WWOX: variants seen among roughly 807,000 people sequenced by gnomAD.
WWOX encodes the protein WW domain-containing oxidoreductase.
A neutral mutation model predicts 46.2 loss-of-function variants in WWOX; 69 were observed. The observed-to-expected ratio is 1.49, with a 90% CI of 1.23 to 1.82. The LOEUF (loss-of-function observed/expected upper bound fraction) is 1.82, where lower values mean the gene tolerates loss of function less well. WWOX is among the 40% of genes most tolerant of loss of function. The pLI, the probability that WWOX is intolerant of heterozygous loss-of-function variation, is 0.00. For missense variants in WWOX, 919 were observed against 542.6 expected (o/e 1.69, Z -6.89); for synonymous variants, 359 against 202.6 (o/e 1.77, Z -6.56).
chr16:78,411,072 C>A (rs895774696), intron 6 of WWOX, among the ~76,000 whole-genome samples: 4 of 152,106 alleles, frequency 2.6e-5, no homozygotes, highest in Non-Finnish European at 5.9e-5. Flanking sequence ...ATACAGAAGC[C>A]AGCATCTTTT....
At chr16:79,065,133 A>T in intron 8 of WWOX, among the ~76,000 whole-genome samples, 1 of 152,168 alleles carries the variant, frequency 6.6e-6, no homozygotes. Flanking sequence ...CTATGGGGAA[A>T]TGCAGATAAA....
intron 6 of WWOX, among the ~76,000 whole-genome samples, chr16:78,408,878 G>A (rs2082608267): frequency 6.6e-6 from 1 of 152,094 alleles, no homozygotes; most frequent in Non-Finnish European, 1.5e-5. Flanking sequence ...CTCAAGGAAG[G>A]TGGGTAAGCC....
chr16:79,192,236 A>C (rs1362519979), intron 8 of WWOX, among the ~76,000 whole-genome samples: 2 of 152,170 alleles, frequency 1.3e-5, no homozygotes, highest in Non-Finnish European at 2.9e-5. Flanking sequence ...TCATTTCCAC[A>C]ATACGCCTCC....
At chr16:78,194,898 G>C (rs1013728965) in intron 5 of WWOX, among the ~76,000 whole-genome samples, 2 of 152,190 alleles carry the variant, frequency 1.3e-5, no homozygotes, top group South Asian at 2.1e-4. Flanking sequence ...CTTGTTTCTA[G>C]ACTGTCTCCC....
chr16:78,619,720 C>T (rs1417839057), intron 8 of WWOX, among the ~76,000 whole-genome samples: 1 of 151,820 alleles, frequency 6.6e-6, no homozygotes, highest in Non-Finnish European at 1.5e-5. Context: ...GCCTGGGCAA[C>T]ATCATGAGAC....
At chr16:79,170,083 A>G (rs73582767) in intron 8 of WWOX, among the ~76,000 whole-genome samples, 6,306 of 152,262 alleles carry the variant, frequency 0.041, 447 homozygotes, top group African/African-American at 0.14. Context: ...ATCTCCTAAC[A>G]TGTCTGGTGA....
At chr16:78,679,593 C>A (rs2047682680) in intron 8 of WWOX, among the ~76,000 whole-genome samples, 2 of 152,128 alleles carry the variant, frequency 1.3e-5, no homozygotes, top group South Asian at 4.1e-4. Context: ...AATACAGACA[C>A]AGGCTTTTCT....
At chr16:78,935,111 C>T (rs912668896) in intron 8 of WWOX, among the ~76,000 whole-genome samples, 2 of 152,120 alleles carry the variant, frequency 1.3e-5, no homozygotes. Flanking sequence ...AAAACAGGTC[C>T]TGGAGAGGAT....
chr16:78,475,595 A>G (rs2084332258), intron 8 of WWOX, among the ~76,000 whole-genome samples: 1 of 152,010 alleles, frequency 6.6e-6, no homozygotes, highest in Non-Finnish European at 1.5e-5. Context: ...TTTAGTTTAT[A>G]TTTTTATTTT....
chr16:78,335,133 TC>T, intron 5 of WWOX, among the ~76,000 whole-genome samples: 1 of 152,170 alleles, frequency 6.6e-6, no homozygotes, highest in African/African-American at 2.4e-5. Flanking sequence ...GTTTATTTTT[TC>T]TAAAACTTTA....
At position 78,735,385 on chromosome 16, in the gene WWOX, C is replaced by CCAGACACAAACACACA. The variant is rs1452058497; in HGVS notation, c.1056+302635_1056+302636insGACACAAACACACACA. On this transcript the variant is annotated intron_variant, in intron 8 of 8. Transcript: ENST00000566780. ...GAACCAATAAGAGATGTCATACACA[C>CCAGACACAAACACACA]CACACACAAACACACACACACACAC... is the stretch of plus-strand genomic sequence containing the variant. Among the ~76,000 whole-genome samples, 9 of 103,958 alleles carry CCAGACACAAACACACA rather than the reference C, an allele frequency of 8.7e-5. No individual in the cohort carries two copies. In the South Asian group the frequency reaches 1.0e-3, roughly 12 times the overall value. 68.2% of individuals were successfully genotyped at this position (103,958 alleles called of 152,430 possible).
Position 78,806,269 on chromosome 16 carries a change from T to A in WWOX, c.1056+373517T>A, listed in dbSNP as rs138060055. On this transcript the variant is annotated intron_variant, in intron 8 of 8. Coordinates refer to ENST00000566780, the MANE Select transcript of WWOX (RefSeq NM_016373.4). The stretch of plus-strand genomic sequence containing the variant: ...AACCCATTTTCTGGCCATTTGGATA[T>A]CATTGATGAGGGAATTGAAGCATTT... 7.6e-3 allele frequency among the ~76,000 whole-genome samples: 1,159 copies of A among 152,280 alleles called. 15 individuals are homozygous for A. The highest frequency in any genetic ancestry group is 0.026 in the African/African-American group (1,088 of 41,568).
intron 6 of WWOX, among the ~76,000 whole-genome samples, chr16:78,391,626 T>C (rs984288453): frequency 6.6e-6 from 1 of 152,132 alleles, no homozygotes; most frequent in Non-Finnish European, 1.5e-5. Context: ...AGTGGGTGGA[T>C]TGCTTGAGGC....
chr16:79,031,272 A>C (rs1862838), intron 8 of WWOX, among the ~76,000 whole-genome samples: 1 of 151,922 alleles, frequency 6.6e-6, no homozygotes, highest in Non-Finnish European at 1.5e-5. Flanking sequence ...GGGTGCTGAG[A>C]GGTACGTGGT....
At chr16:78,972,472 A>G (rs943636509) in intron 8 of WWOX, among the ~76,000 whole-genome samples, 2 of 36,570 alleles carry the variant, frequency 5.5e-5, no homozygotes, top group African/African-American at 1.3e-4. Context: ...GCAGGGGTGA[A>G]AAAAAAAAAA....
intron 8 of WWOX, among the ~76,000 whole-genome samples, chr16:78,566,580 A>T (rs1346400769): frequency 6.6e-6 from 1 of 152,156 alleles, no homozygotes; most frequent in Non-Finnish European, 1.5e-5. Flanking sequence ...GGGAGGGTGT[A>T]AGTGCTCAGA....
At chr16:78,625,330 C>G (rs535021747) in intron 8 of WWOX, among the ~76,000 whole-genome samples, 4 of 152,168 alleles carry the variant, frequency 2.6e-5, no homozygotes, top group African/African-American at 7.2e-5. Context: ...GCCTCCCCAT[C>G]CAAGGCCAGC....
chr16:79,177,921 G>A (rs1019726969), intron 8 of WWOX, among the ~76,000 whole-genome samples: 9 of 152,140 alleles, frequency 5.9e-5, no homozygotes, highest in Non-Finnish European at 1.0e-4. Flanking sequence ...CTGGAGCCTG[G>A]GAAGTCCAAG....
chr16:78,286,964 A>C (rs912159719), intron 5 of WWOX, among the ~76,000 whole-genome samples: 1 of 152,168 alleles, frequency 6.6e-6, no homozygotes, highest in Admixed American at 6.5e-5. Flanking sequence ...AGTTCATTTT[A>C]TCTTAGCAGC....
Sources: allele counts gnomAD v4.1 joint callset (sites outside exome capture counted in the v4.1 genomes callset), GRCh38; gene constraint gnomAD v4.1.1; transcripts MANE v1.5; gene names NCBI Gene and HGNC (gene_info 2026-07-23, HGNC 2026-07-21).